Variants in FBXO41 observed in about 807,000 individuals in gnomAD.
FBXO41 encodes F-box only protein 41.
A neutral mutation model predicts 81.6 loss-of-function variants in FBXO41; 33 were observed. The ratio of observed to expected loss-of-function variants is 0.40; its 90% CI spans 0.31 to 0.54. The LOEUF (loss-of-function observed/expected upper bound fraction) is 0.54. Ranked by LOEUF, FBXO41 falls within the 20% of genes least tolerant of loss-of-function variation. The pLI is 0.39. For missense variants in FBXO41, 1,107 were observed against 1,236.0 expected (o/e 0.90, Z 1.56); for synonymous variants, 576 against 552.7 (o/e 1.04, Z -0.59).
chr2:73,266,172 C>T lies in FBXO41; in HGVS notation c.1132-206G>A, dbSNP rs776219920. 2.3e-4 allele frequency among the ~76,000 whole-genome samples: 35 copies of T among 152,164 alleles called. No individual in the cohort carries two copies. Among genetic ancestry groups the T allele is most frequent in the Non-Finnish European group, 4.0e-4 (27 of 68,030 alleles). ...AGCCCCTCCCCACACCCACACAATA[C>T]CCTGGACCCCAGCTTGTGGCTCCTG... On this transcript the variant is annotated intron_variant, in intron 3 of 12. Coordinates refer to ENST00000520530, the MANE Select transcript of FBXO41 (RefSeq NM_001371389.2). The surrounding 1 kb of genome is among the most constrained non-coding windows in gnomAD (Gnocchi z 5.3).
intron 2 of FBXO41, among the ~76,000 whole-genome samples, chr2:73,268,289 AAGG>A (rs1424519672): frequency 2.6e-5 from 4 of 152,316 alleles, no homozygotes; most frequent in African/African-American, 9.6e-5. Flanking sequence ...AGTTTTCTGT[AAGG>A]AGGAGAGAAA....
chr2:73,261,203 T>G (rs191731511), intron 9 of FBXO41, among the ~76,000 whole-genome samples: 6 of 152,154 alleles, frequency 3.9e-5, no homozygotes, highest in Non-Finnish European at 2.9e-5. Flanking sequence ...ACTACAGGCA[T>G]GCACTACCAT....
Position 73,264,498 on chromosome 2 carries a change from C to T in FBXO41, c.1586G>A (p.Gly529Glu). The T allele has an allele frequency of 3.1e-6, 5 of 1,613,750 alleles. No homozygotes were observed. Among genetic ancestry groups the T allele is most frequent in the African/African-American group, 1.3e-5 (1 of 75,036 alleles). The change falls in exon 6 of 13, where the codon GGG becomes GAG. Residue 529 changes from glycine (G) to glutamate (E), a missense_variant. Transcript: ENST00000520530. ...RLSARPEGGS[G>E]RGRRAERVSP... is the part of the protein sequence containing the mutation. ...GACCCTCTCTGCTCGCCGACCCCGC[C>T]CACTGCCTCCCTCGGGGCGGGCTGC...
intron 1 of FBXO41, among the ~76,000 whole-genome samples, chr2:73,274,725 A>AT (rs60939012): frequency 0.11 from 17,317 of 150,740 alleles, 2,718 homozygotes; most frequent in African/African-American, 0.35. Context: ...TTCCTTTTGG[A>AT]TTTTTTTTTG....
In FBXO41 at chr2:73,269,479, G is replaced by GCGCCGT. The variant is rs1553384393; in HGVS notation, c.146_151dup (p.Asp49_Gly50dup). The GCGCCGT allele has an allele frequency of 2.3e-6, 3 of 1,283,796 alleles. No individual in the cohort carries two copies. Among genetic ancestry groups the GCGCCGT allele is most frequent in the South Asian group, 2.0e-5 (1 of 48,794 alleles). 79.5% of individuals were successfully genotyped at this position (1,283,796 alleles called of 1,614,324 possible). A position where few individuals can be genotyped will look rare whatever the true frequency, so the allele number is the denominator to read the frequency against. ...GGCGGCGGCGGCCGCGGCGGCGGCG[G>GCGCCGT]CGCCGTCGCAGATGCTGTTGGTCTT... On this transcript the variant is annotated inframe_insertion, in exon 2 of 13. Transcript: ENST00000520530. This position sits in a 1 kb window ranked among gnomAD's most constrained non-coding sequence, Gnocchi z 7.0.
rs776146340 is a variant in FBXO41 at position 73,266,599 on chromosome 2, T to A, written c.989A>T (p.Glu330Val). 6.2e-7 allele frequency: 1 copy of A among 1,611,392 alleles called. No homozygotes were observed. The highest frequency in any genetic ancestry group is 8.5e-7 in the Non-Finnish European group (1 of 1,179,074). The change falls in exon 3 of 13, where the codon GAG becomes GTG. Residue 330 changes from glutamate (E) to valine (V), a missense_variant. This residue lies in a region of FBXO41 where 771 missense variants were observed against 789.2 expected (regional missense o/e 0.98). Coordinates refer to ENST00000520530, the MANE Select transcript of FBXO41 (RefSeq NM_001371389.2). This position sits in a 1 kb window ranked among gnomAD's most constrained non-coding sequence, Gnocchi z 5.3. ...ACGGTCAGCCCGCTCAAGGAGCTCCTCAATGAACTGCTGCAGCCGCAGCTT... is the reference window on the plus strand; with the variant it reads ...ACGGTCAGCCCGCTCAAGGAGCTCCACAATGAACTGCTGCAGCCGCAGCTT... ...SAKLRLQQFI[E>V]ELLERADRAE...
At position 73,266,367 on chromosome 2, in the gene FBXO41, C is replaced by T; in HGVS notation, c.1131+90G>A. On this transcript the variant is annotated intron_variant, in intron 3 of 12. Coordinates refer to ENST00000520530, the MANE Select transcript of FBXO41 (RefSeq NM_001371389.2). The surrounding 1 kb of genome is among the most constrained non-coding windows in gnomAD (Gnocchi z 5.3). ...AAAGCCAAAGAAGGGGCGAATGCGG[C>T]ATCATGGGGGAGATGTCCAGCCATG... 1 of 1,368,372 alleles carries T rather than the reference C, an allele frequency of 7.3e-7. No homozygotes were observed. Among genetic ancestry groups the T allele is most frequent in the Non-Finnish European group, 9.7e-7 (1 of 1,030,508 alleles). The allele number at this position is 1,368,372 out of a possible 1,614,324, so 84.8% of individuals were successfully genotyped here.
At chr2:73,271,088 A>C in intron 1 of FBXO41, 1 of 371,694 alleles carries the variant, frequency 2.7e-6, no homozygotes, top group Non-Finnish European at 5.4e-6. Flanking sequence ...CTCCATCTCT[A>C]TTCTCCCCCT....
rs1468702655 is a variant in FBXO41, at chr2:73,259,260, A to C, written c.2486T>G (p.Ile829Ser). 16 of 1,614,000 alleles carry C rather than the reference A, an allele frequency of 9.9e-6. No homozygotes were observed. The highest frequency in any genetic ancestry group is 1.4e-5 in the Non-Finnish European group (16 of 1,179,886). Residue 829 changes from isoleucine to serine, a missense_variant, in exon 12 of 13, where the codon ATT becomes AGT. Coordinates refer to ENST00000520530, the MANE Select transcript of FBXO41 (RefSeq NM_001371389.2). The surrounding 1 kb of genome is among the most constrained non-coding windows in gnomAD (Gnocchi z 4.2). ...CRNLKSIVVQIGIADYFKEPS... is the reference protein window; with the variant it reads ...CRNLKSIVVQSGIADYFKEPS... The stretch of plus-strand genomic sequence containing the variant: ...CTCTTTGAAATAATCCGCAATCCCA[A>C]TCTGGACCACAATGGACTTGAGGTT...
rs1687928461 is a variant in FBXO41, at chr2:73,259,420, G to A, written c.2450-124C>T. ...GCTACCGGGAACACGACAGAGGAGA[G>A]CAGACTCATGCCACCTGGGGGCTGG... On this transcript the variant is annotated intron_variant, in intron 11 of 12. Coordinates refer to ENST00000520530, the MANE Select transcript of FBXO41 (RefSeq NM_001371389.2). The surrounding 1 kb of genome is among the most constrained non-coding windows in gnomAD (Gnocchi z 4.2). 7.7e-6 allele frequency: 6 copies of A among 781,010 alleles called. No individual in the cohort carries two copies. Among genetic ancestry groups the A allele is most frequent in the Non-Finnish European group, 1.3e-5 (6 of 470,988 alleles). 48.4% of individuals were successfully genotyped at this position (781,010 alleles called of 1,614,324 possible). A position where few individuals can be genotyped will look rare whatever the true frequency, so the allele number is the denominator to read the frequency against.
chr2:73,280,874 G>A (rs1214615873), intron 1 of FBXO41, among the ~76,000 whole-genome samples: 1 of 152,190 alleles, frequency 6.6e-6, no homozygotes, highest in African/African-American at 2.4e-5. Context: ...GTTGTTAGAG[G>A]AATCACACTG....
In FBXO41 at chr2:73,256,996, G is replaced by A. The variant is rs1032507713; in HGVS notation, c.*1986C>T. On this transcript the variant is annotated 3_prime_UTR_variant, in exon 13 of 13. Coordinates refer to ENST00000520530, the MANE Select transcript of FBXO41 (RefSeq NM_001371389.2). ...GGAAGGCAGCACCTCTGGTTCTGGG[G>A]TCACAGGGAGCAGGAGCTACAGGGT... 5.2e-5 allele frequency: 8 copies of A among 153,018 alleles called. No homozygotes were observed. The highest frequency in any genetic ancestry group is 1.7e-4 in the African/African-American group (7 of 41,478). 9.5% of individuals were successfully genotyped at this position (153,018 alleles called of 1,614,324 possible).
chr2:73,258,753 G>A lies in FBXO41; in HGVS notation c.*229C>T. ...GCTACTCCAGCCGGGGTAGGGTGGG[G>A]GTCGGAGGGCAGCTTCTGTCCAAGC... On this transcript the variant is annotated 3_prime_UTR_variant, in exon 13 of 13. Coordinates refer to ENST00000520530, the MANE Select transcript of FBXO41 (RefSeq NM_001371389.2). The A allele has an allele frequency of 2.1e-6, 1 of 487,008 alleles. No individual in the cohort carries two copies. The highest frequency in any genetic ancestry group is 3.6e-6 in the Non-Finnish European group (1 of 278,576). The allele number at this position is 487,008 out of a possible 1,614,324, so 30.2% of individuals were successfully genotyped here.
chr2:73,276,560 CAGAG>C (rs533998261), intron 1 of FBXO41, among the ~76,000 whole-genome samples: 9,476 of 106,314 alleles, frequency 0.089, 354 homozygotes, highest in Middle Eastern at 0.14. Flanking sequence ...CAAATCTATT[CAGAG>C]AGAGAGAGAG....
chr2:73,264,202 C>T (rs1688136056), intron 6 of FBXO41, 76 bp downstream of exon 6: 1 of 1,601,856 alleles, frequency 6.2e-7, no homozygotes, highest in Non-Finnish European at 8.5e-7. Context: ...AAGGACCAGA[C>T]CTCAAGGGGC....
In FBXO41 at chr2:73,258,981, G is replaced by A. The variant is rs1005066392; in HGVS notation, c.*1C>T. The A allele has an allele frequency of 7.0e-5, 110 of 1,574,846 alleles. No individual in the cohort carries two copies. The highest frequency in any genetic ancestry group is 9.2e-5 in the Non-Finnish European group (107 of 1,160,704). ...AGGGGCCCTGCCGCCCCCTACCCGGGTTAGCAGCCGCCTTCCACCTTGATG... is the reference window on the plus strand; with the variant it reads ...AGGGGCCCTGCCGCCCCCTACCCGGATTAGCAGCCGCCTTCCACCTTGATG... On this transcript the variant is annotated 3_prime_UTR_variant, in exon 13 of 13. Coordinates refer to ENST00000520530, the MANE Select transcript of FBXO41 (RefSeq NM_001371389.2).
intron 1 of FBXO41, among the ~76,000 whole-genome samples, chr2:73,275,796 T>G (rs1688665202): frequency 1.4e-5 from 2 of 146,928 alleles, no homozygotes; most frequent in Admixed American, 1.3e-4. Flanking sequence ...TTAACTTTCT[T>G]TTTTCTTTTG....
Position 73,265,295 on chromosome 2 carries a change from G to T in FBXO41, c.1551C>A (p.Ser517Arg). The T allele has an allele frequency of 6.2e-7, 1 of 1,605,762 alleles. No homozygotes were observed. Residue 517 changes from serine (S) to arginine (R), a missense_variant, in exon 5 of 13, where the codon AGC (serine) becomes AGA (arginine). This residue lies in a region of FBXO41 where 771 missense variants were observed against 789.2 expected (regional missense o/e 0.98). Coordinates refer to ENST00000520530, the MANE Select transcript of FBXO41 (RefSeq NM_001371389.2). ...PGPAMAGPLS[S>R]CRLSARPEGG... Reference sequence around the variant, plus strand: ...TCCGGGACCTACCTGAGAGCCGGCAGCTGCTCAATGGCCCAGCCATAGCAG... The same window carrying T: ...TCCGGGACCTACCTGAGAGCCGGCATCTGCTCAATGGCCCAGCCATAGCAG...
Position 73,284,362 on chromosome 2 carries a change from G to GAGGGGC in FBXO41, c.-347_-342dup, listed in dbSNP as rs1224603754. The GAGGGGC allele has an allele frequency of 6.6e-6, 1 of 152,330 alleles. No individual in the cohort carries two copies. Among genetic ancestry groups the GAGGGGC allele is most frequent in the African/African-American group, 2.4e-5 (1 of 41,434 alleles). The allele number at this position is 152,330 out of a possible 1,614,324, so 9.4% of individuals were successfully genotyped here. ...CGAACCTCCCAGCCAGTCGCAGCGG[G>GAGGGGC]AGGGGCGCACGAACCCGGCGGGAGG... On this transcript the variant is annotated 5_prime_UTR_variant, in exon 1 of 13. Coordinates refer to ENST00000520530, the MANE Select transcript of FBXO41 (RefSeq NM_001371389.2). The surrounding 1 kb of genome is among the most constrained non-coding windows in gnomAD (Gnocchi z 7.4).
Sources: gnomAD v4.1 joint callset for allele counts (sites outside exome capture counted in the v4.1 genomes callset) on GRCh38, gnomAD v4.1.1 for gene constraint, gnomAD v4.1.1 regional missense constraint, Gnocchi (gnomAD v3.1) non-coding constraint, MANE v1.5 for transcripts, NCBI Gene and HGNC (gene_info 2026-07-23, HGNC 2026-07-21) for gene names.